Variants in RAB44 observed in about 807,000 individuals in gnomAD.
RAB44 encodes the protein ras-related protein Rab-44.
Under a neutral mutation model 93.3 loss-of-function variants are expected in RAB44, and 67 were observed. That is an observed-to-expected ratio of 0.72 (90% CI 0.59 to 0.88). The LOEUF is 0.88. RAB44 is among the 40% of genes least tolerant of loss of function. RAB44 has a pLI of 0.00. For synonymous variants in RAB44, 427 were observed against 520.3 expected (o/e 0.82, Z 2.44); for missense variants, 1,064 against 1,261.7 (o/e 0.84, Z 2.37).
intron 4 of RAB44, among the ~76,000 whole-genome samples, chr6:36,716,160 T>A (rs143903606): frequency 1.2e-4 from 19 of 152,298 alleles, no homozygotes; most frequent in Non-Finnish European, 2.5e-4. Flanking sequence ...TGTCAGGGGT[T>A]TGCCTTTGCT....
intron 2 of RAB44, among the ~76,000 whole-genome samples, chr6:36,705,152 G>T (rs1004351513): frequency 1.3e-5 from 2 of 150,916 alleles, no homozygotes; most frequent in South Asian, 4.2e-4. Context: ...CCAGTAAGAT[G>T]TTATGACTGG....
chr6:36,707,860 G>T (rs527736009), intron 2 of RAB44, among the ~76,000 whole-genome samples: 1 of 152,138 alleles, frequency 6.6e-6, no homozygotes, highest in Admixed American at 6.5e-5. Flanking sequence ...ATATCAGAAC[G>T]GAGGACAGTG....
chr6:36,715,280 C>T (rs1045790661), intron 3 of RAB44, among the ~76,000 whole-genome samples, 199 bp from the exon 4 acceptor site: 2 of 152,114 alleles, frequency 1.3e-5, no homozygotes, highest in African/African-American at 2.4e-5. Context: ...CGTCTCTGGG[C>T]CTCAGGTACT....
At position 36,722,087 on chromosome 6, in the gene RAB44, A is replaced by G; in HGVS notation, c.1953A>G (p.Glu651=). 8.1e-7 allele frequency: 1 copy of G among 1,231,518 alleles called. No homozygotes were observed. The allele number at this position is 1,231,518 out of a possible 1,614,324, so 76.3% of individuals were successfully genotyped here. The part of the protein sequence containing the change: ...VQEGLPEGLR[E]AHGQVLGLGE... ...AGGGCCTTCCTGAGGGGCTAAGAGA[A>G]GCTCATGGCCAGGTCCTTGGGCTGG... The change falls in exon 9 of 14, where the codon GAA becomes GAG. Residue 651 remains glutamate, a synonymous_variant. Coordinates refer to ENST00000612677, the MANE Select transcript of RAB44 (RefSeq NM_001257357.2).
chr6:36,711,764 G>A (rs150185803), intron 2 of RAB44, among the ~76,000 whole-genome samples: 80 of 152,260 alleles, frequency 5.3e-4, no homozygotes, highest in East Asian at 4.6e-3. Context: ...CCTTTCGGGC[G>A]TGGTGGTACA....
At chr6:36,699,035 G>T (rs2150320927) in intron 1 of RAB44, among the ~76,000 whole-genome samples, 1 of 152,250 alleles carries the variant, frequency 6.6e-6, no homozygotes, top group East Asian at 1.9e-4. Flanking sequence ...AGGGGTGAGT[G>T]CACCATCCCA....
At chr6:36,704,501 CT>C (rs1762594630) in intron 2 of RAB44, 59 bp downstream of exon 2, 5 of 1,472,184 alleles carry the variant, frequency 3.4e-6, no homozygotes, top group African/African-American at 1.4e-5. Flanking sequence ...CTGACACCCC[CT>C]CTCCCCCATC....
In RAB44 at chr6:36,724,706, C is replaced by T. The variant is rs1022701268; in HGVS notation, c.2600-1156C>T. ...CAACCAACCAACCAACCAGGCAAGC[C>T]GGCATGCACTGCTAGCCTGCTGGGA... On this transcript the variant is annotated intron_variant, in intron 9 of 13. Transcript: ENST00000612677. Among the ~76,000 whole-genome samples, 6 of 148,674 alleles carry T rather than the reference C, an allele frequency of 4.0e-5. 1 individual carries two copies. In the East Asian group the frequency reaches 6.0e-4, roughly 15 times the overall value.
chr6:36,710,930 AC>A (rs2150329274), intron 2 of RAB44, among the ~76,000 whole-genome samples: 1 of 152,308 alleles, frequency 6.6e-6, no homozygotes, highest in African/African-American at 2.4e-5. Flanking sequence ...AGACTGCACA[AC>A]TTTTTAAAGC....
At chr6:36,726,253 T>G (rs1205014020) in intron 10 of RAB44, among the ~76,000 whole-genome samples, 1 of 152,190 alleles carries the variant, frequency 6.6e-6, no homozygotes, top group African/African-American at 2.4e-5. Flanking sequence ...CAAAAATTTT[T>G]TTTTCTTCTT....
Position 36,728,724 on chromosome 6 carries a change from A to T in RAB44, c.2821A>T (p.Ile941Phe). The T allele has an allele frequency of 1.3e-6, 2 of 1,550,634 alleles. No homozygotes were observed. Among genetic ancestry groups the T allele is most frequent in the Non-Finnish European group, 1.7e-6 (2 of 1,146,980 alleles). ...GGATGCAGGGTCGGATGGGGTGGTCATCCTTCTCCTGGGAAACAAGATGGA... is the reference window on the plus strand; with the variant it reads ...GGATGCAGGGTCGGATGGGGTGGTCTTCCTTCTCCTGGGAAACAAGATGGA... ...LQDAGSDGVVILLLGNKMDCE... is the reference protein window; with the variant it reads ...LQDAGSDGVVFLLLGNKMDCE... The change falls in exon 12 of 14, where the codon ATC (isoleucine) becomes TTC (phenylalanine). Residue 941 changes from isoleucine (I) to phenylalanine (F), a missense_variant. Physicochemically the swap from Ile to Phe is conservative, Grantham distance 21 (BLOSUM62 0). Transcript: ENST00000612677.
At chr6:36,726,142 A>G (rs1271078428) in intron 10 of RAB44, among the ~76,000 whole-genome samples, 199 bp downstream of exon 10, 1 of 152,202 alleles carries the variant, frequency 6.6e-6, no homozygotes, top group African/African-American at 2.4e-5. Flanking sequence ...CTGGCAGGGC[A>G]TATATTAGGG....
intron 1 of RAB44, among the ~76,000 whole-genome samples, chr6:36,701,176 C>A (rs1762499859): frequency 1.3e-5 from 2 of 152,170 alleles, no homozygotes; most frequent in Non-Finnish European, 2.9e-5. Context: ...GTGGTGCAAT[C>A]TTGGCTCACT....
At chr6:36,709,922 T>C (rs2150328550) in intron 2 of RAB44, among the ~76,000 whole-genome samples, 1 of 152,294 alleles carries the variant, frequency 6.6e-6, no homozygotes. Flanking sequence ...GGGTAAATAA[T>C]TGAGAACTGT....
rs867773605 is a variant in RAB44 at position 36,721,107 on chromosome 6, C to T, written c.1017-44C>T. ...GCAGGTGGGATGGGTGTGACACCAC[C>T]TACCTGCCCCTCCCCGATCTTTGCT... On this transcript the variant is annotated intron_variant, in intron 8 of 13. Coordinates refer to ENST00000612677, the MANE Select transcript of RAB44 (RefSeq NM_001257357.2). The T allele has an allele frequency of 1.9e-5, 23 of 1,233,840 alleles. No homozygotes were observed. The Middle Eastern group carries it at 1.6e-3, about 88-fold the overall frequency. 76.4% of individuals were successfully genotyped at this position (1,233,840 alleles called of 1,614,324 possible). A position where few individuals can be genotyped will look rare whatever the true frequency, so the allele number is the denominator to read the frequency against.
chr6:36,711,929 T>C (rs1582621021), intron 2 of RAB44, among the ~76,000 whole-genome samples: 1 of 149,230 alleles, frequency 6.7e-6, no homozygotes, highest in African/African-American at 2.5e-5. Flanking sequence ...GTTAAAGGCC[T>C]GTCTATTACA....
intron 1 of RAB44, among the ~76,000 whole-genome samples, chr6:36,700,308 G>A (rs1288616762): frequency 6.6e-6 from 1 of 152,234 alleles, no homozygotes; most frequent in Non-Finnish European, 1.5e-5. Context: ...GGGAGAAGCA[G>A]AGGTCTGTCT....
rs560682035 is a variant in RAB44 at position 36,707,859 on chromosome 6, C to T, written c.207+3417C>T. Among the ~76,000 whole-genome samples, 11 of 152,244 alleles carry T rather than the reference C, an allele frequency of 7.2e-5. No homozygotes were observed. In the East Asian group the frequency reaches 7.7e-4, roughly 11 times the overall value. Reference sequence around the variant, plus strand: ...ATTACACTACCTAATAATATCAGAACGGAGGACAGTGGAATTCTCTCCTGG... The same window carrying T: ...ATTACACTACCTAATAATATCAGAATGGAGGACAGTGGAATTCTCTCCTGG... On this transcript the variant is annotated intron_variant, in intron 2 of 13. Transcript: ENST00000612677.
Position 36,722,041 on chromosome 6 carries a change from AG to A in RAB44, c.1909del (p.Ala637ArgfsTer13). On this transcript the variant is annotated frameshift_variant, in exon 9 of 14. Transcript: ENST00000612677. LOFTEE classifies it high-confidence loss of function. ...CCCACAGAGAGGCTGGAGCAGGGCC[AG>A]GCGGGCCCAGCGGTGCAGGAGGGCC... ...PVPTERLEQG[Q>X]AGPAVQEGLP... is the part of the protein sequence containing the mutation. 8.1e-7 allele frequency: 1 copy of A among 1,234,272 alleles called. No homozygotes were observed. Among genetic ancestry groups the A allele is most frequent in the Middle Eastern group, 2.1e-4 (1 of 4,842 alleles). The allele number at this position is 1,234,272 out of a possible 1,614,324, so 76.5% of individuals were successfully genotyped here.
Sources: gnomAD v4.1 joint callset for allele counts (sites outside exome capture counted in the v4.1 genomes callset) on GRCh38, gnomAD v4.1.1 for gene constraint, MANE v1.5 for transcripts, NCBI Gene and HGNC (gene_info 2026-07-23, HGNC 2026-07-21) for gene names.